The following DMD variants were observed in gnomAD, a reference collection of about 807,000 sequenced individuals.
DMD encodes dystrophin, also known as mutant dystrophin.
In DMD, 63 loss-of-function variants were observed where a neutral mutation model predicts 330.1. The observed-to-expected ratio is 0.19, with a 90% CI of 0.16 to 0.24. The LOEUF (loss-of-function observed/expected upper bound fraction) is 0.24. DMD is among the 10% of genes least tolerant of loss of function. The pLI is 1.00. For missense variants in DMD, 3,344 were observed against 2,684.1 expected, an observed-to-expected ratio of 1.25 and a Z score of -5.43; for synonymous variants, 1,223 against 959.8, an observed-to-expected ratio of 1.27 and a Z score of -5.07.
intron 49 of DMD, 51 bp downstream of exon 49, chrX:31,836,667 A>T (rs72466588): frequency 9.1e-6 from 9 of 984,969 alleles, no homozygotes. Context: ...ACAACAGGGG[A>T]AGCATAACCC....
chrX:31,289,251 C>CAAAAAAAAAAAAAAAAAAAAAAAAAAAAA (rs773939250), intron 62 of DMD, among the ~76,000 whole-genome samples: 5 of 23,585 alleles, frequency 2.1e-4, no homozygotes, highest in Non-Finnish European at 3.2e-4. Context: ...GGTGACAGAG[C>CAAAAAAAAAAAAAAAAAAAAAAAAAAAAA]AAAAAAAAAA....
chrX:32,594,895 C>A (rs957042961), intron 13 of DMD, among the ~76,000 whole-genome samples: 1 of 111,597 alleles, frequency 9.0e-6, no homozygotes, highest in Admixed American at 9.6e-5. Flanking sequence ...AGCATGGATT[C>A]TTTTGGGACT....
chrX:32,577,450 C>T (rs1406843042), intron 13 of DMD, among the ~76,000 whole-genome samples: 1 of 112,237 alleles, frequency 8.9e-6, no homozygotes, highest in African/African-American at 3.2e-5. Flanking sequence ...AAATGTCTGT[C>T]GAATAATAAT....
intron 60 of DMD, chrX:31,435,521 A>T (rs1362771620): frequency 1.8e-5 from 2 of 112,341 alleles, no homozygotes; most frequent in Admixed American, 9.5e-5. Flanking sequence ...GATAAACTGT[A>T]TGAATTTGAA....
intron 25 of DMD, among the ~76,000 whole-genome samples, chrX:32,456,761 A>C (rs1045903207): frequency 2.8e-5 from 3 of 108,617 alleles, no homozygotes; most frequent in African/African-American, 1.0e-4. Flanking sequence ...ATCTCGTGGG[A>C]TTTGGCTTGA....
intron 50 of DMD, among the ~76,000 whole-genome samples, chrX:31,801,675 T>C (rs1202027530): frequency 1.9e-5 from 2 of 107,610 alleles, no homozygotes; most frequent in African/African-American, 3.4e-5. Context: ...TATAGTCATA[T>C]AAAATCATCA....
intron 55 of DMD, among the ~76,000 whole-genome samples, chrX:31,509,109 A>G (rs1334958006): frequency 9.0e-6 from 1 of 111,598 alleles, no homozygotes; most frequent in Non-Finnish European, 1.9e-5. Context: ...ATTTCTGAGT[A>G]GTATCTCTGA....
chrX:31,923,168 T>C (rs2094717867), intron 47 of DMD, among the ~76,000 whole-genome samples: 1 of 112,052 alleles, frequency 8.9e-6, no homozygotes, highest in African/African-American at 3.2e-5. Flanking sequence ...GATGTACTCA[T>C]GACACACAAC....
intron 60 of DMD, among the ~76,000 whole-genome samples, chrX:31,391,224 C>T (rs1362757232): frequency 7.3e-5 from 8 of 109,601 alleles, no homozygotes; most frequent in Non-Finnish European, 1.1e-4. Context: ...GATCTCGGCT[C>T]ACTGCAACCT....
chrX:31,662,206 A>T (rs2081167298), intron 53 of DMD, among the ~76,000 whole-genome samples: 1 of 111,841 alleles, frequency 8.9e-6, no homozygotes, highest in Admixed American at 9.5e-5. Flanking sequence ...AAATATGATT[A>T]GGTGGGTTAA....
At chrX:33,284,970 T>C (rs1191334671) in intron 1 of DMD, among the ~76,000 whole-genome samples, 4 of 109,700 alleles carry the variant, frequency 3.6e-5, no homozygotes, top group Middle Eastern at 4.3e-3. Context: ...CAGTACTTCA[T>C]AGCATCCTGC....
intron 7 of DMD, among the ~76,000 whole-genome samples, chrX:32,778,375 T>C (rs1393299069): frequency 9.0e-6 from 1 of 111,080 alleles, no homozygotes; most frequent in Non-Finnish European, 1.9e-5. Flanking sequence ...TGAGGGCAGT[T>C]TGTCAGGCCC....
chrX:32,335,305 A>T (rs1346742321), intron 41 of DMD, among the ~76,000 whole-genome samples: 2 of 108,139 alleles, frequency 1.8e-5, no homozygotes, highest in African/African-American at 6.7e-5. Flanking sequence ...AGTTTCAAGC[A>T]ATTCTCATGC....
intron 4 of DMD, among the ~76,000 whole-genome samples, chrX:32,830,706 G>A (rs1388113238): frequency 1.8e-5 from 2 of 111,769 alleles, no homozygotes; most frequent in African/African-American, 6.5e-5. Context: ...CTGTCAACAG[G>A]CCTAAGATTT....
intron 15 of DMD, among the ~76,000 whole-genome samples, chrX:32,570,906 G>C (rs2052343852): frequency 8.9e-6 from 1 of 111,816 alleles, no homozygotes; most frequent in Admixed American, 9.5e-5. Context: ...ACTTTGACTA[G>C]ATATTAAGAT....
intron 55 of DMD, among the ~76,000 whole-genome samples, chrX:31,617,534 C>CAA (rs749572753): frequency 0.016 from 514 of 31,931 alleles, 53 homozygotes; most frequent in East Asian, 0.088. Flanking sequence ...GACTTCGTCT[C>CAA]AAAAAAAAAA....
At chrX:32,286,597 A>C (rs1028720450) in intron 43 of DMD, among the ~76,000 whole-genome samples, 1 of 111,950 alleles carries the variant, frequency 8.9e-6, no homozygotes, top group Non-Finnish European at 1.9e-5. Context: ...ATAGTACCAA[A>C]GCTCTTACAC....
chrX:31,132,048 C>A (rs1205994742), intron 77 of DMD, among the ~76,000 whole-genome samples: 1 of 111,785 alleles, frequency 8.9e-6, no homozygotes, highest in Admixed American at 9.5e-5. Context: ...ACAAGGGTAC[C>A]ACTGAGTAAG....
intron 29 of DMD, among the ~76,000 whole-genome samples, chrX:32,423,461 C>CAT (rs2098198907): frequency 9.1e-6 from 1 of 109,900 alleles, no homozygotes; most frequent in Non-Finnish European, 1.9e-5. Flanking sequence ...TATATGTATA[C>CAT]ATATGTGCTT....
Sources: allele counts gnomAD v4.1 joint callset (sites outside exome capture counted in the v4.1 genomes callset), GRCh38; gene constraint gnomAD v4.1.1; transcripts MANE v1.5; gene names NCBI Gene and HGNC (gene_info 2026-07-23, HGNC 2026-07-21).